The following NT5E variants were observed in gnomAD, a reference collection of about 807,000 sequenced individuals.
NT5E encodes 5'-nucleotidase.
A neutral mutation model predicts 55.1 loss-of-function variants in NT5E; 53 were observed. That is an observed-to-expected ratio of 0.96 (90% confidence interval 0.77 to 1.21). The LOEUF (loss-of-function observed/expected upper bound fraction) is 1.21, where lower values mean the gene tolerates loss of function less well. Ranked by LOEUF, NT5E falls within the 50% of genes most tolerant of loss-of-function variation. The pLI is 0.00. For missense variants in NT5E, 683 were observed against 724.3 expected, an observed-to-expected ratio of 0.94 and a Z score of 0.65; for synonymous variants, 270 against 278.4, an observed-to-expected ratio of 0.97 and a Z score of 0.30.
chr6:85,474,840 G>A (rs1440710831), intron 3 of NT5E, among the ~76,000 whole-genome samples: 2 of 152,074 alleles, frequency 1.3e-5, no homozygotes, highest in East Asian at 3.9e-4. Flanking sequence ...AGGCTGAGGT[G>A]GGAGAATTGC....
At chr6:85,464,686 T>C (rs1582372824) in intron 1 of NT5E, among the ~76,000 whole-genome samples, 1 of 152,072 alleles carries the variant, frequency 6.6e-6, no homozygotes, top group Non-Finnish European at 1.5e-5. Context: ...CTGGCAGCAA[T>C]ATAAAGAATA....
intron 8 of NT5E, among the ~76,000 whole-genome samples, chr6:85,493,094 C>T (rs1221393532): frequency 6.6e-6 from 1 of 152,152 alleles, no homozygotes; most frequent in Non-Finnish European, 1.5e-5. Context: ...GAGAGAGGAG[C>T]TCATGCAGAA....
At position 85,450,708 on chromosome 6, in the gene NT5E, A is replaced by G. The variant is rs1263781989; in HGVS notation, c.339+230A>G. Among the ~76,000 whole-genome samples the G allele has an allele frequency of 6.6e-6, 1 of 152,148 alleles. No homozygotes were observed. ...ACTATGAGATGGGAGTATTTAGAGGAGCAGGACCCAGTCCTGCCTGCGAGG... is the reference window on the plus strand; with the variant it reads ...ACTATGAGATGGGAGTATTTAGAGGGGCAGGACCCAGTCCTGCCTGCGAGG... On this transcript the variant is annotated intron_variant, in intron 1 of 8. Coordinates refer to ENST00000257770, the MANE Select transcript of NT5E (RefSeq NM_002526.4). This position sits in a 1 kb window ranked among gnomAD's most constrained non-coding sequence, Gnocchi z 4.0.
chr6:85,476,048 C>T (rs577286217), intron 3 of NT5E, among the ~76,000 whole-genome samples: 13 of 152,286 alleles, frequency 8.5e-5, no homozygotes, highest in African/African-American at 3.1e-4. Flanking sequence ...CATCTAATCA[C>T]CTCCAAGCAA....
intron 1 of NT5E, among the ~76,000 whole-genome samples, chr6:85,464,872 A>G (rs1769160215): frequency 6.6e-6 from 1 of 152,160 alleles, no homozygotes; most frequent in Non-Finnish European, 1.5e-5. Context: ...CCACCGCACC[A>G]GGGCTTCTGG....
intron 3 of NT5E, among the ~76,000 whole-genome samples, chr6:85,472,147 T>C (rs1458512287): frequency 2.0e-5 from 3 of 152,224 alleles, no homozygotes; most frequent in African/African-American, 7.2e-5. Flanking sequence ...ACTGCATAGA[T>C]CTTTGAAGTA....
intron 8 of NT5E, 80 bp downstream of exon 8, chr6:85,492,257 G>A: frequency 7.5e-7 from 1 of 1,331,400 alleles, no homozygotes; most frequent in South Asian, 1.2e-5. Flanking sequence ...GTGCCAGGAG[G>A]GCAAAGTGAC....
At chr6:85,459,873 G>A (rs1224745674) in intron 1 of NT5E, among the ~76,000 whole-genome samples, 3 of 152,148 alleles carry the variant, frequency 2.0e-5, no homozygotes, top group Non-Finnish European at 2.9e-5. Context: ...ATGAATCAAC[G>A]ATCAAAGAAT....
intron 3 of NT5E, among the ~76,000 whole-genome samples, 186 bp from the exon 4 acceptor site, chr6:85,485,049 A>G (rs1562144151): frequency 6.6e-6 from 1 of 152,216 alleles, no homozygotes; most frequent in Non-Finnish European, 1.5e-5. Flanking sequence ...GGTAGGATTC[A>G]TGTACCAAAA....
At chr6:85,475,058 G>A (rs1255548436) in intron 3 of NT5E, among the ~76,000 whole-genome samples, 1 of 152,132 alleles carries the variant, frequency 6.6e-6, no homozygotes, top group Non-Finnish European at 1.5e-5. Context: ...TAATTTTATG[G>A]AATTAGAATG....
chr6:85,475,380 TC>T (rs1181673781), intron 3 of NT5E, among the ~76,000 whole-genome samples: 1 of 152,224 alleles, frequency 6.6e-6, no homozygotes, highest in African/African-American at 2.4e-5. Context: ...ATGGATCCCT[TC>T]CAAATGTTGA....
At chr6:85,462,644 A>G (rs2127755447) in intron 1 of NT5E, among the ~76,000 whole-genome samples, 1 of 152,366 alleles carries the variant, frequency 6.6e-6, no homozygotes, top group East Asian at 1.9e-4. Context: ...CTCTGGCACC[A>G]GTGCCCAGCA....
At chr6:85,491,557 C>T (rs1383497258) in intron 7 of NT5E, among the ~76,000 whole-genome samples, 1 of 152,328 alleles carries the variant, frequency 6.6e-6, no homozygotes, top group South Asian at 2.1e-4. Flanking sequence ...CTGCATAGCT[C>T]TATGCCTTGT....
In NT5E at chr6:85,450,726, C is replaced by G. The variant is rs963972904; in HGVS notation, c.339+248C>G. The stretch of plus-strand genomic sequence containing the variant: ...TTAGAGGAGCAGGACCCAGTCCTGC[C>G]TGCGAGGGGCTTAAGGTGGGGTGCG... On this transcript the variant is annotated intron_variant, in intron 1 of 8. Coordinates refer to ENST00000257770, the MANE Select transcript of NT5E (RefSeq NM_002526.4). This position sits in a 1 kb window ranked among gnomAD's most constrained non-coding sequence, Gnocchi z 4.0. Among the ~76,000 whole-genome samples the G allele has an allele frequency of 6.6e-6, 1 of 152,192 alleles. No homozygotes were observed. Among genetic ancestry groups the G allele is most frequent in the Non-Finnish European group, 1.5e-5 (1 of 68,030 alleles).
At chr6:85,485,498 C>T in intron 4 of NT5E, 66 bp downstream of exon 4, 1 of 1,489,364 alleles carries the variant, frequency 6.7e-7, no homozygotes, top group South Asian at 1.1e-5. Flanking sequence ...TTTGCTCCTT[C>T]CCATTTTTTT....
chr6:85,475,870 T>C (rs1769424292), intron 3 of NT5E, among the ~76,000 whole-genome samples: 2 of 152,190 alleles, frequency 1.3e-5, no homozygotes. Flanking sequence ...TCCTGTTACC[T>C]AGAAAATCAT....
At chr6:85,478,973 C>T (rs1442771202) in intron 3 of NT5E, among the ~76,000 whole-genome samples, 2 of 152,046 alleles carry the variant, frequency 1.3e-5, no homozygotes, top group Admixed American at 1.3e-4. Flanking sequence ...CACCAATTTC[C>T]CCTCCTTGCT....
intron 3 of NT5E, among the ~76,000 whole-genome samples, chr6:85,474,798 G>C (rs1023725208): frequency 6.6e-6 from 1 of 152,092 alleles, no homozygotes; most frequent in Admixed American, 6.5e-5. Flanking sequence ...GCCAAGTGTA[G>C]GGGCATATGC....
In NT5E at chr6:85,460,645, G is replaced by T. The variant is rs577350568; in HGVS notation, c.340-6415G>T. Among the ~76,000 whole-genome samples, 3 of 151,426 alleles carry T rather than the reference G, an allele frequency of 2.0e-5. No individual in the cohort carries two copies. The East Asian group carries it at 5.8e-4, about 29-fold the overall frequency. On this transcript the variant is annotated intron_variant, in intron 1 of 8. Transcript: ENST00000257770. ...CCTGAGGCCATGTGCCAACTTCTAT[G>T]TTTTTTTTTCCCAAAGCTCTTCCAA...
Sources: gnomAD v4.1 joint callset for allele counts (sites outside exome capture counted in the v4.1 genomes callset) on GRCh38, gnomAD v4.1.1 for gene constraint, Gnocchi (gnomAD v3.1) non-coding constraint, MANE v1.5 for transcripts, NCBI Gene and HGNC (gene_info 2026-07-23, HGNC 2026-07-21) for gene names.